The following CAP2 variants were observed in gnomAD, a reference collection of about 807,000 sequenced individuals.
CAP2 encodes cyclase associated actin cytoskeleton regulatory protein 2, also known as adenylyl cyclase-associated protein 2.
In CAP2, 24 loss-of-function variants were observed where a neutral mutation model predicts 57.7. That is an observed-to-expected ratio of 0.42 (90% confidence interval 0.30 to 0.58). The LOEUF (loss-of-function observed/expected upper bound fraction) is 0.58. CAP2 is among the 20% of genes least tolerant of loss of function. The probability of loss-of-function intolerance (pLI) is 0.22; values close to 1 mark genes in which losing one functional copy is unlikely to be tolerated. For synonymous variants in CAP2, 194 were observed against 207.2 expected (o/e 0.94, Z 0.55); for missense variants, 501 against 590.3 (o/e 0.85, Z 1.57).
At chr6:17,491,664 T>C (rs1338395468) in intron 4 of CAP2, among the ~76,000 whole-genome samples, 2 of 152,154 alleles carry the variant, frequency 1.3e-5, no homozygotes, top group Non-Finnish European at 2.9e-5. Context: ...CTAAGAGTAT[T>C]AGCTGTGGGA....
chr6:17,401,721 T>C (rs961383199), intron 1 of CAP2, among the ~76,000 whole-genome samples: 1 of 152,210 alleles, frequency 6.6e-6, no homozygotes, highest in Non-Finnish European at 1.5e-5. Flanking sequence ...TAGGCAATTT[T>C]TTTTAAGTTT....
chr6:17,400,230 C>A (rs767890759), intron 1 of CAP2, among the ~76,000 whole-genome samples: 11 of 151,698 alleles, frequency 7.3e-5, no homozygotes, highest in African/African-American at 1.9e-4. Context: ...CATCTCAAAA[C>A]ACACACACAC....
intron 3 of CAP2, among the ~76,000 whole-genome samples, chr6:17,455,600 A>G (rs9477433): frequency 0.049 from 7,413 of 151,530 alleles, 625 homozygotes; most frequent in African/African-American, 0.17. Flanking sequence ...CAGTGGTGCA[A>G]TCTCAGCTCA....
chr6:17,427,850 A>G lies in CAP2; in HGVS notation c.222+1160A>G, dbSNP rs761546842. Among the ~76,000 whole-genome samples the G allele has an allele frequency of 2.2e-4, 33 of 152,334 alleles. 1 individual carries two copies. The highest frequency in any genetic ancestry group is 6.8e-3 in the Middle Eastern group (2 of 294). On this transcript the variant is annotated intron_variant, in intron 3 of 12. Transcript: ENST00000229922. The stretch of plus-strand genomic sequence containing the variant: ...AATGCTGTTACATGCTGTAGTATGG[A>G]TGAACCTTGAGGACATTATGCTAAG...
chr6:17,539,131 C>T, intron 7 of CAP2, 138 bp from the exon 8 acceptor site: 1 of 722,854 alleles, frequency 1.4e-6, no homozygotes, highest in African/African-American at 1.8e-5. Flanking sequence ...CCATGATGCA[C>T]AGGTGTGCCC....
intron 7 of CAP2, among the ~76,000 whole-genome samples, chr6:17,523,519 A>G (rs946314104): frequency 5.9e-5 from 9 of 152,226 alleles, no homozygotes; most frequent in Non-Finnish European, 1.2e-4. Flanking sequence ...AATAAATAAG[A>G]TGGTTAAAAA....
intron 11 of CAP2, among the ~76,000 whole-genome samples, chr6:17,549,253 C>T (rs1369896922): frequency 6.6e-6 from 1 of 152,144 alleles, no homozygotes; most frequent in East Asian, 1.9e-4. Context: ...CACCTGAAGT[C>T]GGGAGTTCGA....
chr6:17,454,920 C>T (rs113231743), intron 3 of CAP2, among the ~76,000 whole-genome samples: 5,798 of 152,054 alleles, frequency 0.038, 182 homozygotes, highest in Middle Eastern at 0.071. Context: ...ACATTCATCC[C>T]GTCACTTAAA....
intron 3 of CAP2, among the ~76,000 whole-genome samples, chr6:17,461,218 C>CTTTTTTTTT (rs35423332): frequency 1.4e-5 from 2 of 147,970 alleles, no homozygotes; most frequent in Non-Finnish European, 3.0e-5. Flanking sequence ...TCTTTGAAAC[C>CTTTTTTTTT]TTTTTTTTTT....
chr6:17,460,025 C>T (rs904208817), intron 3 of CAP2, among the ~76,000 whole-genome samples: 3 of 152,046 alleles, frequency 2.0e-5, no homozygotes, highest in East Asian at 3.9e-4. Flanking sequence ...ATGTTCAAAA[C>T]GCAAACATAT....
intron 11 of CAP2, among the ~76,000 whole-genome samples, chr6:17,549,733 A>G (rs938004823): frequency 3.9e-5 from 6 of 152,162 alleles, no homozygotes; most frequent in African/African-American, 1.4e-4. Flanking sequence ...CAATTTGAGG[A>G]TTGCCTATAT....
rs766954084 is a variant in CAP2 at position 17,540,989 on chromosome 6, A to G, written c.843A>G (p.Thr281=). ...TCCTCCTAGGGCTCCGCCATGTCAC[A>G]GATGACCAGAAGACATACAAAAATC... is the stretch of plus-strand genomic sequence containing the variant. ...EAITKGLRHV[T]DDQKTYKNPS... The change falls in exon 9 of 13, where the codon ACA becomes ACG. Residue 281 remains threonine, a synonymous_variant. Coordinates refer to ENST00000229922, the MANE Select transcript of CAP2 (RefSeq NM_006366.3). The G allele has an allele frequency of 6.8e-5, 110 of 1,613,784 alleles. No individual in the cohort carries two copies. The highest frequency in any genetic ancestry group is 6.0e-4 in the Admixed American group (36 of 59,960).
intron 3 of CAP2, 97 bp downstream of exon 3, chr6:17,426,787 T>G (rs1455607089): frequency 7.4e-6 from 6 of 812,714 alleles, no homozygotes; most frequent in South Asian, 4.4e-5. Context: ...TATTTATTTA[T>G]TTAGTTTTTA....
At chr6:17,545,600 AGG>A (rs1224678459) in intron 11 of CAP2, among the ~76,000 whole-genome samples, 2 of 152,144 alleles carry the variant, frequency 1.3e-5, no homozygotes, top group Non-Finnish European at 2.9e-5. Context: ...CACAATGTGC[AGG>A]TTTGTTACAT....
At chr6:17,450,008 C>G (rs1760361633) in intron 3 of CAP2, among the ~76,000 whole-genome samples, 1 of 151,938 alleles carries the variant, frequency 6.6e-6, no homozygotes, top group Non-Finnish European at 1.5e-5. Context: ...AAAAACAACC[C>G]ACAGAAATCA....
At chr6:17,436,364 T>A (rs921704898) in intron 3 of CAP2, among the ~76,000 whole-genome samples, 3 of 152,070 alleles carry the variant, frequency 2.0e-5, no homozygotes, top group Non-Finnish European at 2.9e-5. Context: ...AACTCCTGAC[T>A]TCAAGTGGTC....
intron 3 of CAP2, among the ~76,000 whole-genome samples, chr6:17,453,463 G>T (rs1760467573): frequency 6.6e-6 from 1 of 152,276 alleles, no homozygotes; most frequent in Non-Finnish European, 1.5e-5. Flanking sequence ...CCCATCTGTT[G>T]TTCTTTGAGC....
At chr6:17,527,319 G>A (rs1053733961) in intron 7 of CAP2, among the ~76,000 whole-genome samples, 2 of 152,140 alleles carry the variant, frequency 1.3e-5, no homozygotes, top group Non-Finnish European at 2.9e-5. Context: ...TGGGCCTCTT[G>A]AGTTTGTTTC....
chr6:17,492,338 A>G (rs1364896076), intron 4 of CAP2, among the ~76,000 whole-genome samples: 1 of 152,194 alleles, frequency 6.6e-6, no homozygotes, highest in African/African-American at 2.4e-5. Context: ...TGGAAGTCAG[A>G]AGGAGCAGAA....
Sources: gnomAD v4.1 joint callset for allele counts (sites outside exome capture counted in the v4.1 genomes callset) on GRCh38, gnomAD v4.1.1 for gene constraint, MANE v1.5 for transcripts, NCBI Gene and HGNC (gene_info 2026-07-23, HGNC 2026-07-21) for gene names.